NFE2L2: variants seen among roughly 807,000 people sequenced by gnomAD.
The protein encoded by NFE2L2 is NFE2 like bZIP transcription factor 2.
A neutral mutation model predicts 49.6 loss-of-function variants in NFE2L2; 20 were observed. The observed-to-expected ratio is 0.40, with a 90% CI of 0.28 to 0.59. The LOEUF (loss-of-function observed/expected upper bound fraction) is 0.59. Among genes scored for constraint, NFE2L2 ranks in the 20% least tolerant of loss-of-function variants. The probability of loss-of-function intolerance (pLI) is 0.40; values close to 1 mark genes in which losing one functional copy is unlikely to be tolerated. For missense variants in NFE2L2, 578 were observed against 714.2 expected, an observed-to-expected ratio of 0.81 and a Z score of 2.17; for synonymous variants, 244 against 256.5, an observed-to-expected ratio of 0.95 and a Z score of 0.47.
Position 177,231,378 on chromosome 2 carries a change from G to A in NFE2L2, c.1225C>T (p.Pro409Ser). 6.2e-7 allele frequency: 1 copy of A among 1,614,272 alleles called. No homozygotes were observed. The highest frequency in any genetic ancestry group is 8.5e-7 in the Non-Finnish European group (1 of 1,180,050). Residue 409 changes from proline to serine, a missense_variant, in exon 5 of 5, where the codon CCA (proline) becomes TCA (serine). This residue lies in a region of NFE2L2 where 368 missense variants were observed against 384.6 expected (regional missense o/e 0.96). Transcript: ENST00000397062. ...ACGTGAGTGCTCTGCCCCTGAGATG[G>A]TGACAAGGGTTGTACCATATCCCCA... Reference protein sequence around the residue: ...SSGDMVQPLSPSQGQSTHVHD... With the variant: ...SSGDMVQPLSSSQGQSTHVHD...
chr2:177,259,387 A>C (rs1276271259), intron 1 of NFE2L2, among the ~76,000 whole-genome samples: 1 of 152,140 alleles, frequency 6.6e-6, no homozygotes, highest in Non-Finnish European at 1.5e-5. Flanking sequence ...GACCAAATAA[A>C]CTTACATGCT....
chr2:177,253,837 G>C (rs1347859588), intron 1 of NFE2L2, among the ~76,000 whole-genome samples: 1 of 152,156 alleles, frequency 6.6e-6, no homozygotes, highest in African/African-American at 2.4e-5. Flanking sequence ...GATTGTAAGA[G>C]AACAAATGTG....
rs557437925 is a variant in NFE2L2, at chr2:177,264,330, G to A, written c.45+202C>T. 6 of 513,012 alleles carry A rather than the reference G, an allele frequency of 1.2e-5. No individual in the cohort carries two copies. The South Asian group carries it at 1.5e-4, about 13-fold the overall frequency. The allele number at this position is 513,012 out of a possible 1,614,324, so 31.8% of individuals were successfully genotyped here. A position where few individuals can be genotyped will look rare whatever the true frequency, so the allele number is the denominator to read the frequency against. ...CCCGTTCGCCCTCGGGCTCGTGGTC[G>A]GTCGGATCACCCGGCCGCGTCCCCG... On this transcript the variant is annotated intron_variant, in intron 1 of 4. Transcript: ENST00000397062.
At chr2:177,263,229 C>T (rs1296856026) in intron 1 of NFE2L2, among the ~76,000 whole-genome samples, 1 of 152,230 alleles carries the variant, frequency 6.6e-6, no homozygotes, top group African/African-American at 2.4e-5. Context: ...GAAACGCAAG[C>T]GTTCCACTCT....
rs1459425228 is a variant in NFE2L2 at position 177,233,755 on chromosome 2, ATACT to A, written c.312+246_312+249del. On this transcript the variant is annotated intron_variant, in intron 2 of 4. Coordinates refer to ENST00000397062, the MANE Select transcript of NFE2L2 (RefSeq NM_006164.5). ...TACTTGATCCTTACAGGATGTTTCT[ATACT>A]TTACAAAACTCTTTGGTGTAACTTA... The A allele has an allele frequency of 5.2e-6, 3 of 579,430 alleles. No individual in the cohort carries two copies. The African/African-American group carries it at 5.6e-5, about 11-fold the overall frequency. The allele number at this position is 579,430 out of a possible 1,614,324, so 35.9% of individuals were successfully genotyped here. A position where few individuals can be genotyped will look rare whatever the true frequency, so the allele number is the denominator to read the frequency against.
At chr2:177,264,402 A>G in intron 1 of NFE2L2, 130 bp downstream of exon 1, 9 of 891,962 alleles carry the variant, frequency 1.0e-5, no homozygotes, top group Non-Finnish European at 1.3e-5. Context: ...GGCTCTACCC[A>G]GCGCCGCGGT....
intron 1 of NFE2L2, chr2:177,263,565 T>C (rs1690821772): frequency 2.0e-6 from 2 of 985,086 alleles, no homozygotes; most frequent in South Asian, 4.7e-5. Flanking sequence ...GTTTGCACGC[T>C]ATAAAGCAGG....
intron 1 of NFE2L2, chr2:177,263,567 T>C (rs1283971818): frequency 1.0e-6 from 1 of 985,164 alleles, no homozygotes; most frequent in African/African-American, 1.7e-5. Context: ...TTGCACGCTA[T>C]AAAGCAGGAA....
chr2:177,263,996 A>G, intron 1 of NFE2L2: 1 of 966,856 alleles, frequency 1.0e-6, no homozygotes. Flanking sequence ...CCCGCACTCA[A>G]GGAGGTCTTG....
At chr2:177,257,391 T>C (rs1281620259) in intron 1 of NFE2L2, among the ~76,000 whole-genome samples, 4 of 152,196 alleles carry the variant, frequency 2.6e-5, no homozygotes, top group African/African-American at 9.6e-5. Context: ...AGCCCTTTCA[T>C]AACAAAGTTA....
chr2:177,260,386 A>G (rs1040611568), intron 1 of NFE2L2, among the ~76,000 whole-genome samples: 1 of 152,242 alleles, frequency 6.6e-6, no homozygotes. Context: ...TAAGTCCTGC[A>G]GCACACTTAA....
chr2:177,262,373 G>C (rs1200999286), intron 1 of NFE2L2, among the ~76,000 whole-genome samples: 2 of 152,190 alleles, frequency 1.3e-5, no homozygotes, highest in Non-Finnish European at 2.9e-5. Context: ...TGGAGATACT[G>C]AATCTAAGGC....
intron 1 of NFE2L2, among the ~76,000 whole-genome samples, chr2:177,248,165 C>T (rs1209787528): frequency 1.3e-5 from 2 of 152,154 alleles, no homozygotes; most frequent in East Asian, 1.9e-4. Context: ...GGGCAACTGG[C>T]CCCAGGTCTG....
At chr2:177,256,563 A>G (rs1024995681) in intron 1 of NFE2L2, among the ~76,000 whole-genome samples, 1 of 151,618 alleles carries the variant, frequency 6.6e-6, no homozygotes, top group Non-Finnish European at 1.5e-5. Context: ...TGTATGTTGC[A>G]TAGAGCCTAA....
In NFE2L2 at chr2:177,264,604, T is replaced by C. The variant is rs1392395515; in HGVS notation, c.-28A>G. On this transcript the variant is annotated 5_prime_UTR_variant, in exon 1 of 5. Transcript: ENST00000397062. The stretch of plus-strand genomic sequence containing the variant: ...TGAGCTGTGGACCGTGTGTTGGGGC[T>C]CCCCGACGGCGGCCCTGTTCCGGCT... The C allele has an allele frequency of 2.1e-6, 3 of 1,448,164 alleles. No individual in the cohort carries two copies. Among genetic ancestry groups the C allele is most frequent in the East Asian group, 3.1e-5 (1 of 32,594 alleles). 89.7% of individuals were successfully genotyped at this position (1,448,164 alleles called of 1,614,324 possible).
intron 1 of NFE2L2, among the ~76,000 whole-genome samples, chr2:177,240,498 C>T (rs929377734): frequency 6.6e-6 from 1 of 152,094 alleles, no homozygotes; most frequent in South Asian, 2.1e-4. Flanking sequence ...TTTAGTGATT[C>T]CTGAGTGTGT....
At position 177,230,683 on chromosome 2, in the gene NFE2L2, C is replaced by T; in HGVS notation, c.*102G>A. On this transcript the variant is annotated 3_prime_UTR_variant, in exon 5 of 5. Coordinates refer to ENST00000397062, the MANE Select transcript of NFE2L2 (RefSeq NM_006164.5). The stretch of plus-strand genomic sequence containing the variant: ...TATACTAGTTTTGGCTATGATTTTG[C>T]ATAGAATTACTTATAAAGTATGAGC... 6 of 1,322,320 alleles carry T rather than the reference C, an allele frequency of 4.5e-6. No individual in the cohort carries two copies. The highest frequency in any genetic ancestry group is 6.0e-6 in the Non-Finnish European group (6 of 992,420). 81.9% of individuals were successfully genotyped at this position (1,322,320 alleles called of 1,614,324 possible). A position where few individuals can be genotyped will look rare whatever the true frequency, so the allele number is the denominator to read the frequency against.
chr2:177,259,515 T>G (rs964007198), intron 1 of NFE2L2, among the ~76,000 whole-genome samples: 3 of 152,166 alleles, frequency 2.0e-5, no homozygotes, highest in Non-Finnish European at 4.4e-5. Context: ...TTAATATACT[T>G]AATAATCATA....
intron 1 of NFE2L2, among the ~76,000 whole-genome samples, chr2:177,261,532 C>T (rs567270564): frequency 1.3e-5 from 2 of 152,278 alleles, no homozygotes; most frequent in Admixed American, 6.5e-5. Context: ...TGTTTGAATG[C>T]TACCTTGGCC....
Sources: allele counts gnomAD v4.1 joint callset (sites outside exome capture counted in the v4.1 genomes callset), GRCh38; gene constraint gnomAD v4.1.1; regional missense constraint gnomAD v4.1.1; transcripts MANE v1.5; gene names NCBI Gene and HGNC (gene_info 2026-07-23, HGNC 2026-07-21).